GIGYF1: variants seen among roughly 807,000 people sequenced by gnomAD.
GIGYF1 encodes GRB10-interacting GYF protein 1.
In GIGYF1, 84 loss-of-function variants were observed where a neutral mutation model predicts 147.1. That is an observed-to-expected ratio of 0.57 (90% CI 0.48 to 0.68). The LOEUF is 0.68. Ranked by LOEUF, GIGYF1 falls within the 30% of genes least tolerant of loss-of-function variation. GIGYF1 has a pLI of 0.00. For synonymous variants in GIGYF1, 752 were observed against 589.5 expected (o/e 1.28, Z -3.99); for missense variants, 1,485 against 1,393.7 (o/e 1.07, Z -1.04).
In GIGYF1 at chr7:100,682,729, C is replaced by T; in HGVS notation, c.2461G>A (p.Ala821Thr). The T allele has an allele frequency of 6.4e-7, 1 of 1,561,686 alleles. No homozygotes were observed. The highest frequency in any genetic ancestry group is 1.4e-5 in the African/African-American group (1 of 73,370). Residue 821 changes from alanine (A) to threonine (T), a missense_variant, in exon 23 of 27, where the codon GCT becomes ACT. Transcript: ENST00000678049. ...TCTGGCCCGCCCCACAGTGGCCCAGCCTCAGACACCCACTGGTTCAGGGGG... is the reference window on the plus strand; with the variant it reads ...TCTGGCCCGCCCCACAGTGGCCCAGTCTCAGACACCCACTGGTTCAGGGGG... The part of the protein sequence containing the change: ...TAPLNQWVSE[A>T]GPLWGGPDKS...
rs746214609 is a variant in GIGYF1, at chr7:100,684,124, C to T, written c.1764G>A (p.Lys588=). Residue 588 remains lysine, a synonymous_variant, in exon 18 of 27, where the codon AAG becomes AAA. Transcript: ENST00000678049. Reference sequence around the variant, plus strand: ...GCGGTGTCAGGTCCCCCAGAGCTGCCTTTTCTCGGAGCGCGCACTGTGGGA... The same window carrying T: ...GCGGTGTCAGGTCCCCCAGAGCTGCTTTTTCTCGGAGCGCGCACTGTGGGA... ...RQLPQCALRE[K]AALGDLTPPP... 1.2e-6 allele frequency: 2 copies of T among 1,608,636 alleles called. No individual in the cohort carries two copies. Among genetic ancestry groups the T allele is most frequent in the South Asian group, 2.2e-5 (2 of 91,044 alleles).
rs1459519659 is a variant in GIGYF1 at position 100,686,688 on chromosome 7, G to A, written c.655C>T (p.Pro219Ser). 3.1e-6 allele frequency: 5 copies of A among 1,613,064 alleles called. No individual in the cohort carries two copies. Among genetic ancestry groups the A allele is most frequent in the East Asian group, 4.5e-5 (2 of 44,792 alleles). The change falls in exon 10 of 27, where the codon CCC (proline) becomes TCC (serine). Residue 219 changes from proline (P) to serine (S), a missense_variant. Transcript: ENST00000678049. ...EEGSWRLGAG[P>S]RRDGDRWRSA... ...CGCCAGCGGTCGCCGTCTCGCCGGGGCCCTGCTCCGAGCCTCCAGCTGCCC... is the reference window on the plus strand; with the variant it reads ...CGCCAGCGGTCGCCGTCTCGCCGGGACCCTGCTCCGAGCCTCCAGCTGCCC...
At chr7:100,683,487 G>A (rs755299201) in intron 20 of GIGYF1, 43 bp from the exon 21 acceptor site, 2 of 1,613,876 alleles carry the variant, frequency 1.2e-6, no homozygotes, top group East Asian at 2.2e-5. Context: ...GCAGGGGACA[G>A]CCTGGGGCCT....
In GIGYF1 at chr7:100,686,836, CA is replaced by C; in HGVS notation, c.524-18del. On this transcript the variant is annotated intron_variant, in intron 9 of 26. Coordinates refer to ENST00000678049, the MANE Select transcript of GIGYF1 (RefSeq NM_001375765.1). ...CACATCGTGCTGGGAGACGGGAAGA[CA>C]GGGGCAGTTATTAGAAAGGCAGCGT... is the stretch of plus-strand genomic sequence containing the variant. 6.2e-7 allele frequency: 1 copy of C among 1,613,052 alleles called. No homozygotes were observed. Among genetic ancestry groups the C allele is most frequent in the Non-Finnish European group, 8.5e-7 (1 of 1,179,388 alleles).
At chr7:100,692,778 T>A (rs933334049) in intron 1 of GIGYF1, among the ~76,000 whole-genome samples, 1 of 152,116 alleles carries the variant, frequency 6.6e-6, no homozygotes, top group Non-Finnish European at 1.5e-5. Flanking sequence ...CAAGGCCAGG[T>A]CTACCCTCAA....
Position 100,686,635 on chromosome 7 carries a change from G to C in GIGYF1, c.694+14C>G, listed in dbSNP as rs181333500. On this transcript the variant is annotated intron_variant, in intron 10 of 26. Coordinates refer to ENST00000678049, the MANE Select transcript of GIGYF1 (RefSeq NM_001375765.1). ...CCCACTGCCCCCGCCAATGCTACCA[G>C]GCCCCAATCTCACCAGGGCTGGCGG... 1 of 1,604,984 alleles carries C rather than the reference G, an allele frequency of 6.2e-7. No homozygotes were observed. The highest frequency in any genetic ancestry group is 1.3e-5 in the African/African-American group (1 of 74,740).
Position 100,682,484 on chromosome 7 carries a change from T to G in GIGYF1, c.2601-2A>C, listed in dbSNP as rs756142282. Reference sequence around the variant, plus strand: ...CCCGATAGGTGGCTGTATGAGTCACTGAAGGGGGAGGGTGAGTCAGGGTTG... The same window carrying G: ...CCCGATAGGTGGCTGTATGAGTCACGGAAGGGGGAGGGTGAGTCAGGGTTG... On this transcript the variant is annotated splice_acceptor_variant, in intron 23 of 26. Coordinates refer to ENST00000678049, the MANE Select transcript of GIGYF1 (RefSeq NM_001375765.1). LOFTEE classifies it high-confidence loss of function. 3 of 1,611,272 alleles carry G rather than the reference T, an allele frequency of 1.9e-6. No individual in the cohort carries two copies. The South Asian group carries it at 3.3e-5, about 18-fold the overall frequency.
Position 100,684,092 on chromosome 7 carries a change from G to C in GIGYF1, c.1796C>G (p.Pro599Arg). 6.2e-7 allele frequency: 1 copy of C among 1,606,834 alleles called. No individual in the cohort carries two copies. Among genetic ancestry groups the C allele is most frequent in the Non-Finnish European group, 8.5e-7 (1 of 1,179,558 alleles). Residue 599 changes from proline (P) to arginine (R), a missense_variant, in exon 18 of 27, where the codon CCG (proline) becomes CGG (arginine). By Grantham distance (103) the Pro-to-Arg change is moderately radical. Coordinates refer to ENST00000678049, the MANE Select transcript of GIGYF1 (RefSeq NM_001375765.1). ...AALGDLTPPP[P>R]PPPQQQQQQL... ...CTGCTGCTGCTGCTGTGGCGGCGGC[G>C]GTGGTGGCGGTGTCAGGTCCCCCAG...
Position 100,688,725 on chromosome 7 carries a change from G to C in GIGYF1, c.-268C>G. On this transcript the variant is annotated 5_prime_UTR_variant, in exon 2 of 27. Coordinates refer to ENST00000678049, the MANE Select transcript of GIGYF1 (RefSeq NM_001375765.1). ...TTCACATCTGGGAAAGACCCTTAAG[G>C]AGAGCAGGGGGGAGGAGGGAGGGTT... 3.0e-6 allele frequency: 1 copy of C among 338,590 alleles called. No homozygotes were observed. Among genetic ancestry groups the C allele is most frequent in the Admixed American group, 3.8e-5 (1 of 26,298 alleles). 21.0% of individuals were successfully genotyped at this position (338,590 alleles called of 1,614,324 possible). A position where few individuals can be genotyped will look rare whatever the true frequency, so the allele number is the denominator to read the frequency against.
In GIGYF1 at chr7:100,682,596, G is replaced by C. The variant is rs1240748581; in HGVS notation, c.2594C>G (p.Ser865Cys). ...CTCCAGGTGCCACGCCCACCTGAGA[G>C]ATGGGCTGCTCCGGCTGTTCTTCAG... ...LGLKNSRSSP[S>C]LSDSYSHLSG... Residue 865 changes from serine (S) to cysteine (C), a missense_variant, in exon 23 of 27, where the codon TCT (serine) becomes TGT (cysteine). Coordinates refer to ENST00000678049, the MANE Select transcript of GIGYF1 (RefSeq NM_001375765.1). 1 of 1,597,194 alleles carries C rather than the reference G, an allele frequency of 6.3e-7. No individual in the cohort carries two copies. Among genetic ancestry groups the C allele is most frequent in the Non-Finnish European group, 8.5e-7 (1 of 1,175,186 alleles).
chr7:100,683,154 G>T lies in GIGYF1; in HGVS notation c.2270C>A (p.Pro757Gln), dbSNP rs756254194. ...GGCCAGGCCAGCCCAGAGTGGGGGC[G>T]GGGAGCTGGGTGCGGGGGGCACAGG... ...AVPVPPAPSSPPPLWAGLAKQ... is the reference protein window; with the variant it reads ...AVPVPPAPSSQPPLWAGLAKQ... Residue 757 changes from proline to glutamine, a missense_variant, in exon 22 of 27, where the codon CCG becomes CAG. Physicochemically the swap from Pro to Gln is moderately conservative, Grantham distance 76. Transcript: ENST00000678049. 1.9e-6 allele frequency: 3 copies of T among 1,600,100 alleles called. No homozygotes were observed. Among genetic ancestry groups the T allele is most frequent in the Admixed American group, 3.4e-5 (2 of 59,016 alleles).
chr7:100,687,189 A>C, intron 8 of GIGYF1, 109 bp downstream of exon 8: 1 of 1,453,584 alleles, frequency 6.9e-7, no homozygotes, highest in Non-Finnish European at 9.6e-7. Flanking sequence ...GAGCACCGGG[A>C]TCTCGGACAG....
intron 1 of GIGYF1, among the ~76,000 whole-genome samples, chr7:100,691,764 C>A (rs1293044768): frequency 6.6e-6 from 1 of 152,154 alleles, no homozygotes; most frequent in African/African-American, 2.4e-5. Context: ...CCCACCCCTT[C>A]TCTTTCTCGG....
chr7:100,681,484 TTTC>T lies in GIGYF1; in HGVS notation c.*232_*234del, dbSNP rs745647111. The T allele has an allele frequency of 4.2e-5, 17 of 405,670 alleles. No individual in the cohort carries two copies. Among genetic ancestry groups the T allele is most frequent in the Non-Finnish European group, 5.6e-5 (13 of 231,510 alleles). 25.1% of individuals were successfully genotyped at this position (405,670 alleles called of 1,614,324 possible). On this transcript the variant is annotated 3_prime_UTR_variant, in exon 27 of 27. Transcript: ENST00000678049. ...ACAATATTTTTGCCTCTCCTAATGT[TTTC>T]TTCAGTCGTTTAAAATTAAAAAAAA...
intron 1 of GIGYF1, among the ~76,000 whole-genome samples, chr7:100,690,196 C>T (rs556086899): frequency 5.9e-5 from 9 of 152,280 alleles, no homozygotes; most frequent in East Asian, 1.9e-4. Flanking sequence ...AGATAACCAC[C>T]GCATACCTAA....
At chr7:100,691,652 G>A (rs1441419477) in intron 1 of GIGYF1, among the ~76,000 whole-genome samples, 1 of 152,100 alleles carries the variant, frequency 6.6e-6, no homozygotes, top group Non-Finnish European at 1.5e-5. Flanking sequence ...ACCCGGCTGA[G>A]CTTTCTCAGC....
intron 1 of GIGYF1, among the ~76,000 whole-genome samples, chr7:100,692,082 A>G (rs1448717849): frequency 6.6e-6 from 1 of 152,164 alleles, no homozygotes; most frequent in East Asian, 1.9e-4. Context: ...ACAGTCCCCA[A>G]TTCCTCAACA....
Position 100,681,561 on chromosome 7 carries a change from G to A in GIGYF1, c.*158C>T, listed in dbSNP as rs1804765672. The A allele has an allele frequency of 2.0e-6, 1 of 489,902 alleles. No individual in the cohort carries two copies. The highest frequency in any genetic ancestry group is 3.5e-6 in the Non-Finnish European group (1 of 289,436). 30.3% of individuals were successfully genotyped at this position (489,902 alleles called of 1,614,324 possible). The stretch of plus-strand genomic sequence containing the variant: ...CCCAGTCTGTAAAGTGCCTCGTGGT[G>A]GGTGAGTTAAGGTGCATCGTGTGTT... On this transcript the variant is annotated 3_prime_UTR_variant, in exon 27 of 27. Transcript: ENST00000678049.
At chr7:100,682,293 C>T (rs1306370885) in intron 24 of GIGYF1, 29 bp downstream of exon 24, 7 of 1,608,702 alleles carry the variant, frequency 4.4e-6, no homozygotes, top group South Asian at 1.1e-5. Context: ...ACCCAGGTCC[C>T]GCCCACCTCC....
Sources: gnomAD v4.1 joint callset for allele counts (sites outside exome capture counted in the v4.1 genomes callset) on GRCh38, gnomAD v4.1.1 for gene constraint, MANE v1.5 for transcripts, NCBI Gene and HGNC (gene_info 2026-07-23, HGNC 2026-07-21) for gene names.